The following CCDC91 variants were observed in gnomAD, a reference collection of about 807,000 sequenced individuals.
CCDC91 encodes coiled-coil domain-containing protein 91.
A neutral mutation model predicts 63.2 loss-of-function variants in CCDC91; 48 were observed. That is an observed-to-expected ratio of 0.76 (90% CI 0.60 to 0.97). The LOEUF is 0.97. Ranked by LOEUF, CCDC91 falls within the 50% of genes least tolerant of loss-of-function variation. The pLI, the probability that CCDC91 is intolerant of heterozygous loss-of-function variation, is 0.00. For synonymous variants in CCDC91, 167 were observed against 165.8 expected (o/e 1.01, Z -0.06); for missense variants, 500 against 494.6 (o/e 1.01, Z -0.10).
chr12:28,255,955 TTAA>T (rs1412287121), intron 1 of CCDC91: 4 of 152,250 alleles, frequency 2.6e-5, no homozygotes, highest in Non-Finnish European at 5.9e-5. Context: ...GCCCTTAAGA[TTAA>T]TGTTTAACAT....
At chr12:28,538,040 GT>G (rs1348900314) in intron 12 of CCDC91, among the ~76,000 whole-genome samples, 1 of 151,228 alleles carries the variant, frequency 6.6e-6, no homozygotes, top group Admixed American at 6.6e-5. Context: ...TTTGATAGGT[GT>G]TTAGTGTTCT....
chr12:28,278,782 A>T (rs993769773), intron 3 of CCDC91, among the ~76,000 whole-genome samples: 23 of 152,044 alleles, frequency 1.5e-4, no homozygotes, highest in African/African-American at 5.6e-4. Flanking sequence ...ACAGACTTGG[A>T]TATGAATCCT....
At chr12:28,211,385 A>T (rs1426444361) in intron 1 of CCDC91, among the ~76,000 whole-genome samples, 2 of 152,064 alleles carry the variant, frequency 1.3e-5, no homozygotes, top group African/African-American at 4.8e-5. Flanking sequence ...CCAGTGCAAA[A>T]TACGTGTGAC....
intron 11 of CCDC91, among the ~76,000 whole-genome samples, chr12:28,472,038 A>C (rs1950846084): frequency 6.6e-6 from 1 of 152,214 alleles, no homozygotes; most frequent in Non-Finnish European, 1.5e-5. Flanking sequence ...GGCATGAGCC[A>C]CCACGCCCGG....
At chr12:28,347,394 C>G (rs568964406) in intron 6 of CCDC91, among the ~76,000 whole-genome samples, 2 of 152,270 alleles carry the variant, frequency 1.3e-5, no homozygotes, top group South Asian at 2.1e-4. Context: ...CTTCTTCTGT[C>G]CATTAGTACC....
intron 1 of CCDC91, among the ~76,000 whole-genome samples, chr12:28,230,300 A>G: frequency 6.6e-6 from 1 of 152,122 alleles, no homozygotes; most frequent in Non-Finnish European, 1.5e-5. Context: ...TTTGGGGGGC[A>G]TATTTTTGCT....
chr12:28,545,774 T>G (rs1475120008), intron 12 of CCDC91, among the ~76,000 whole-genome samples: 3 of 152,048 alleles, frequency 2.0e-5, no homozygotes, highest in Non-Finnish European at 4.4e-5. Context: ...TCAAACTTTT[T>G]TTGTCCTTAT....
chr12:28,294,368 A>G (rs1222007100), intron 3 of CCDC91, among the ~76,000 whole-genome samples: 1 of 151,942 alleles, frequency 6.6e-6, no homozygotes, highest in Non-Finnish European at 1.5e-5. Flanking sequence ...GTGGGAGGTG[A>G]TTGGGTTATG....
chr12:28,392,980 A>T (rs1237999543), intron 8 of CCDC91, among the ~76,000 whole-genome samples: 1 of 152,210 alleles, frequency 6.6e-6, no homozygotes, highest in Non-Finnish European at 1.5e-5. Context: ...AGAGACACAC[A>T]GCTATCATTA....
intron 1 of CCDC91, among the ~76,000 whole-genome samples, chr12:28,220,033 TCTTG>T (rs1239557250): frequency 6.6e-6 from 1 of 152,154 alleles, no homozygotes; most frequent in African/African-American, 2.4e-5. Context: ...TACAGTTGGG[TCTTG>T]CTTTATCATT....
chr12:28,460,440 T>C (rs1950249553), intron 11 of CCDC91, among the ~76,000 whole-genome samples: 1 of 152,158 alleles, frequency 6.6e-6, no homozygotes, highest in East Asian at 1.9e-4. Flanking sequence ...ATTTGAGTCC[T>C]AGCTTGTGAC....
chr12:28,476,947 A>G (rs1477406885), intron 11 of CCDC91, among the ~76,000 whole-genome samples: 2 of 152,200 alleles, frequency 1.3e-5, no homozygotes, highest in East Asian at 3.8e-4. Context: ...GAGTAGACCA[A>G]TAACAGGCTC....
intron 12 of CCDC91, among the ~76,000 whole-genome samples, chr12:28,498,971 G>T (rs1361496033): frequency 1.9e-4 from 29 of 151,600 alleles, no homozygotes. Context: ...CATAACAGAT[G>T]TTTAATGAAA....
chr12:28,277,512 A>G (rs1948321268), intron 3 of CCDC91, among the ~76,000 whole-genome samples: 2 of 152,090 alleles, frequency 1.3e-5, no homozygotes, highest in South Asian at 2.1e-4. Flanking sequence ...CAAAACTTAC[A>G]TGATGCTGAA....
At chr12:28,196,903 CATGAATTATTTTGA>C (rs1941809414) in intron 1 of CCDC91, among the ~76,000 whole-genome samples, 2 of 152,074 alleles carry the variant, frequency 1.3e-5, no homozygotes, top group Admixed American at 1.3e-4. Context: ...GTACTTGCAT[CATGAATTATTTTGA>C]AAACTTGATT....
At chr12:28,316,682 C>G (rs999338293) in intron 6 of CCDC91, among the ~76,000 whole-genome samples, 2 of 146,464 alleles carry the variant, frequency 1.4e-5, no homozygotes, top group Admixed American at 1.4e-4. Context: ...GTTGTTTTTA[C>G]ATGAAATTGG....
intron 6 of CCDC91, among the ~76,000 whole-genome samples, chr12:28,308,084 A>G (rs534643310): frequency 1.5e-4 from 23 of 152,118 alleles, no homozygotes; most frequent in African/African-American, 5.1e-4. Context: ...CAGAACTGAG[A>G]CACTTAACTT....
At chr12:28,207,354 G>T (rs573342771) in intron 1 of CCDC91, among the ~76,000 whole-genome samples, 2 of 152,232 alleles carry the variant, frequency 1.3e-5, no homozygotes, top group East Asian at 1.9e-4. Flanking sequence ...TGAACCCAAG[G>T]TTCAAGGTTC....
chr12:28,304,250 G>GC (rs1683695657), intron 3 of CCDC91, among the ~76,000 whole-genome samples: 1 of 151,300 alleles, frequency 6.6e-6, no homozygotes, highest in South Asian at 2.1e-4. Flanking sequence ...GGTGGCGAGT[G>GC]CCTGTAATCC....
Sources: gnomAD v4.1 joint callset for allele counts (sites outside exome capture counted in the v4.1 genomes callset) on GRCh38, gnomAD v4.1.1 for gene constraint, MANE v1.5 for transcripts, NCBI Gene and HGNC (gene_info 2026-07-23, HGNC 2026-07-21) for gene names.